Variants in GARNL3 observed in about 807,000 individuals in gnomAD.
GARNL3 encodes GTPase activating Rap/RanGAP domain like 3.
In GARNL3, 63 loss-of-function variants were observed where a neutral mutation model predicts 125.0. The ratio of observed to expected loss-of-function variants is 0.50; its 90% CI spans 0.41 to 0.62. The LOEUF (loss-of-function observed/expected upper bound fraction) is 0.62. GARNL3 is among the 20% of genes least tolerant of loss of function. The pLI is 0.00. For synonymous variants in GARNL3, 439 were observed against 457.5 expected (o/e 0.96, Z 0.52); for missense variants, 994 against 1,244.0 (o/e 0.80, Z 3.02).
At chr9:127,301,760 A>G (rs1474627519) in intron 2 of GARNL3, among the ~76,000 whole-genome samples, 1 of 151,864 alleles carries the variant, frequency 6.6e-6, no homozygotes, top group Non-Finnish European at 1.5e-5. Context: ...TTGTCTTGCC[A>G]TGTGTGTGCT....
chr9:127,300,598 G>T, intron 2 of GARNL3: 1 of 300,130 alleles, frequency 3.3e-6, no homozygotes, highest in Admixed American at 4.7e-5. Flanking sequence ...GGGACTACAG[G>T]CATGCGCCAC....
chr9:127,294,096 A>T (rs927113846), intron 2 of GARNL3, among the ~76,000 whole-genome samples: 1 of 152,058 alleles, frequency 6.6e-6, no homozygotes, highest in Non-Finnish European at 1.5e-5. Flanking sequence ...CAGGGCTCCT[A>T]TTGGACTTGC....
In GARNL3 at chr9:127,390,692, C is replaced by A; in HGVS notation, c.2795C>A (p.Ser932Ter). Residue 932 changes from serine (S) to a stop codon, truncating the protein, a stop_gained, in exon 27 of 28, where the codon TCA becomes TAA. Transcript: ENST00000373387. LOFTEE classifies it high-confidence loss of function. ...PKSEGAPKAKSKPRKRLEESQ... is the reference protein window; with the variant it reads ...PKSEGAPKAK ...TCAGAAGGAGCGCCAAAGGCCAAAT[C>A]AAAACCCCGGAAGCGGTTAGAAGAA... 1.2e-6 allele frequency: 2 copies of A among 1,613,956 alleles called. No homozygotes were observed. The highest frequency in any genetic ancestry group is 2.2e-5 in the South Asian group (2 of 91,052).
intron 9 of GARNL3, among the ~76,000 whole-genome samples, chr9:127,334,183 C>T (rs530583402): frequency 2.6e-4 from 40 of 152,176 alleles, no homozygotes; most frequent in Admixed American, 1.6e-3. Flanking sequence ...AGGATGGGGG[C>T]CTGAGTGGGG....
intron 22 of GARNL3, among the ~76,000 whole-genome samples, chr9:127,368,587 T>A (rs1378195879): frequency 6.8e-6 from 1 of 147,738 alleles, no homozygotes; most frequent in Admixed American, 6.8e-5. Context: ...TGCCTCAGCC[T>A]CCCAAAGTGC....
intron 1 of GARNL3, 58 bp from the exon 2 acceptor site, chr9:127,291,110 C>T: frequency 5.8e-6 from 9 of 1,538,532 alleles, no homozygotes; most frequent in Admixed American, 1.7e-5. Context: ...AGGATAATTA[C>T]ATACAGATAG....
intron 7 of GARNL3, among the ~76,000 whole-genome samples, chr9:127,326,104 CA>C (rs1425091427): frequency 4.6e-5 from 7 of 152,176 alleles, no homozygotes; most frequent in African/African-American, 1.7e-4. Flanking sequence ...GCTTGTCCCC[CA>C]GATGTCCTCA....
chr9:127,353,972 G>A (rs751162221), intron 18 of GARNL3, 28 bp downstream of exon 18: 2 of 1,470,862 alleles, frequency 1.4e-6, no homozygotes, highest in Middle Eastern at 1.7e-4. Flanking sequence ...GTGGCATGCT[G>A]TGGAGGAAGG....
intron 2 of GARNL3, among the ~76,000 whole-genome samples, chr9:127,243,888 A>T (rs1210890084): frequency 6.6e-6 from 1 of 152,244 alleles, no homozygotes; most frequent in Admixed American, 6.5e-5. Context: ...TAAAGATGAT[A>T]CAAGAGAGGG....
Position 127,393,420 on chromosome 9 carries a change from A to G in GARNL3, c.*166A>G, listed in dbSNP as rs988446660. 3.9e-6 allele frequency: 2 copies of G among 511,282 alleles called. No individual in the cohort carries two copies. The highest frequency in any genetic ancestry group is 7.0e-6 in the Non-Finnish European group (2 of 287,098). The allele number at this position is 511,282 out of a possible 1,614,324, so 31.7% of individuals were successfully genotyped here. ...AGTTCCCTCTCCAATGTCCGGTGCC[A>G]TCTTTCCTGACCTTTGTTTCTTTCT... On this transcript the variant is annotated 3_prime_UTR_variant, in exon 28 of 28. Coordinates refer to ENST00000373387, the MANE Select transcript of GARNL3 (RefSeq NM_032293.5).
chr9:127,371,044 G>A (rs4350073), intron 22 of GARNL3, among the ~76,000 whole-genome samples: 9,832 of 152,238 alleles, frequency 0.065, 581 homozygotes, highest in African/African-American at 0.15. Context: ...CCACCCCAGT[G>A]CAAGGGCAGC....
At chr9:127,298,072 G>A (rs1197272795) in intron 2 of GARNL3, among the ~76,000 whole-genome samples, 1 of 152,194 alleles carries the variant, frequency 6.6e-6, no homozygotes. Flanking sequence ...TAGCCTCTCT[G>A]AATGGCCTTC....
intron 27 of GARNL3, 24 bp downstream of exon 27, chr9:127,390,791 C>G (rs1407345143): frequency 6.2e-7 from 1 of 1,608,064 alleles, no homozygotes; most frequent in Admixed American, 1.7e-5. Context: ...GAGGCCCCTG[C>G]TTGGGGTGGT....
At chr9:127,321,663 C>T (rs1261327866) in intron 6 of GARNL3, among the ~76,000 whole-genome samples, 1 of 152,106 alleles carries the variant, frequency 6.6e-6, no homozygotes, top group African/African-American at 2.4e-5. Flanking sequence ...GTAGTTATAA[C>T]CAATTTAGCT....
intron 2 of GARNL3, among the ~76,000 whole-genome samples, chr9:127,296,070 A>G (rs1045491664): frequency 1.1e-4 from 16 of 152,188 alleles, no homozygotes; most frequent in Non-Finnish European, 2.4e-4. Flanking sequence ...GATCCCTCGC[A>G]TGTGCATTTC....
chr9:127,313,709 C>G (rs2065157101), intron 4 of GARNL3, 150 bp downstream of exon 4: 3 of 656,336 alleles, frequency 4.6e-6, no homozygotes, highest in Admixed American at 4.5e-5. Flanking sequence ...TGCCTTTGCC[C>G]AAAGCACCTT....
intron 22 of GARNL3, among the ~76,000 whole-genome samples, chr9:127,368,330 CTTTT>C: frequency 7.8e-6 from 1 of 128,972 alleles, no homozygotes; most frequent in Non-Finnish European, 1.6e-5. Context: ...AAATACATTT[CTTTT>C]TTTTTTTTTT....
chr9:127,387,480 C>T (rs966730146), intron 25 of GARNL3, 149 bp downstream of exon 25: 28 of 807,502 alleles, frequency 3.5e-5, no homozygotes, highest in Middle Eastern at 3.8e-4. Flanking sequence ...TGGTGGCTCA[C>T]CCCTATAATC....
chr9:127,312,662 A>G (rs1016185401), intron 3 of GARNL3, among the ~76,000 whole-genome samples: 3 of 152,226 alleles, frequency 2.0e-5, no homozygotes, highest in African/African-American at 7.2e-5. Flanking sequence ...TGCTTGAATG[A>G]TGAAATGAGA....
Sources: gnomAD v4.1 joint callset for allele counts (sites outside exome capture counted in the v4.1 genomes callset) on GRCh38, gnomAD v4.1.1 for gene constraint, MANE v1.5 for transcripts, NCBI Gene and HGNC (gene_info 2026-07-23, HGNC 2026-07-21) for gene names.